Variants in TRNT1 observed in about 807,000 individuals in gnomAD.
The protein encoded by TRNT1 is CCA tRNA nucleotidyltransferase 1, mitochondrial.
A neutral mutation model predicts 45.6 loss-of-function variants in TRNT1; 44 were observed. The ratio of observed to expected loss-of-function variants is 0.97; its 90% confidence interval spans 0.76 to 1.24. TRNT1 has a LOEUF of 1.24. TRNT1 is among the 50% of genes most tolerant of loss of function. TRNT1 has a pLI of 0.00. For synonymous variants in TRNT1, 201 were observed against 171.4 expected, an observed-to-expected ratio of 1.17 and a Z score of -1.35; for missense variants, 633 against 504.4, an observed-to-expected ratio of 1.25 and a Z score of -2.44.
At chr3:3,143,705 CT>C (rs1705804742) in intron 4 of TRNT1, among the ~76,000 whole-genome samples, 1 of 149,170 alleles carries the variant, frequency 6.7e-6, no homozygotes, top group African/African-American at 2.4e-5. Context: ...TGCCGAAACC[CT>C]GTCTCTACTA....
At chr3:3,129,425 G>A (rs1386386480) in intron 2 of TRNT1, 3 of 453,014 alleles carry the variant, frequency 6.6e-6, no homozygotes, top group South Asian at 4.9e-5. Context: ...CAATGTGCAC[G>A]TTTTCATTGT....
intron 5 of TRNT1, among the ~76,000 whole-genome samples, chr3:3,145,986 TA>T (rs11297247): frequency 0.14 from 20,525 of 151,106 alleles, 1,457 homozygotes; most frequent in Admixed American, 0.17. Context: ...TTGAAAGTAC[TA>T]ATGTGTACAG....
At chr3:3,150,379 A>T (rs1706432984), downstream of TRNT1, 1 of 152,228 alleles carries the variant, frequency 6.6e-6, no homozygotes, top group Non-Finnish European at 1.5e-5. Context: ...AATAATTAAT[A>T]TACATTGCCT....
chr3:3,149,288 T>TTAAG (rs1245817831), downstream of TRNT1: 4 of 152,080 alleles, frequency 2.6e-5, no homozygotes, highest in Admixed American at 6.6e-5. Flanking sequence ...CTTAAAATAT[T>TTAAG]TAAGTACTGC....
chr3:3,141,583 A>G (rs1705660254), intron 4 of TRNT1, among the ~76,000 whole-genome samples: 1 of 152,200 alleles, frequency 6.6e-6, no homozygotes, highest in Non-Finnish European at 1.5e-5. Context: ...TAATGAAAGC[A>G]CTGGGAATTA....
intron 2 of TRNT1, among the ~76,000 whole-genome samples, chr3:3,133,045 G>C (rs1471236137): frequency 6.6e-6 from 1 of 152,164 alleles, no homozygotes. Context: ...CAGCCTTTCT[G>C]ATGGCTGCTA....
At position 3,147,999 on chromosome 3, in the gene TRNT1, C is replaced by T. The variant is rs1706176708; in HGVS notation, c.1150C>T (p.Pro384Ser). 1 of 1,613,988 alleles carries T rather than the reference C, an allele frequency of 6.2e-7. No individual in the cohort carries two copies. The highest frequency in any genetic ancestry group is 8.5e-7 in the Non-Finnish European group (1 of 1,179,876). ...AAAGGAAATGCAGCAGTGGTCCATT[C>T]CTCCATTTCCTGTAAGTGGCCATGA... Reference protein sequence around the residue: ...LLKEMQQWSIPPFPVSGHDIR... With the variant: ...LLKEMQQWSISPFPVSGHDIR... Residue 384 changes from proline to serine, a missense_variant, in exon 8 of 8, where the codon CCT becomes TCT. Transcript: ENST00000251607.
downstream of TRNT1, chr3:3,149,740 C>CATAA (rs1168823971): frequency 6.6e-6 from 1 of 152,154 alleles, no homozygotes; most frequent in African/African-American, 2.4e-5. Flanking sequence ...ACTCTATTTA[C>CATAA]ATAAATATGC....
intron 3 of TRNT1, among the ~76,000 whole-genome samples, chr3:3,139,708 G>T (rs889969444): frequency 2.0e-5 from 3 of 152,114 alleles, no homozygotes; most frequent in Non-Finnish European, 2.9e-5. Flanking sequence ...TCCCAAGATA[G>T]AGGTAACTCT....
chr3:3,153,383 C>T, downstream of TRNT1: 1 of 1,101,336 alleles, frequency 9.1e-7, no homozygotes, highest in Middle Eastern at 2.0e-4. Context: ...CATTATAATT[C>T]TGATAAGGCA....
intron 2 of TRNT1, chr3:3,131,783 CT>C (rs1310699226): frequency 1.2e-4 from 8 of 68,142 alleles, no homozygotes; most frequent in South Asian, 1.4e-3. Flanking sequence ...ACCTACTCAT[CT>C]GACAAAGGGC....
intron 3 of TRNT1, 108 bp downstream of exon 3, chr3:3,137,561 T>A: frequency 1.1e-6 from 1 of 930,432 alleles, no homozygotes; most frequent in Non-Finnish European, 1.6e-6. Flanking sequence ...AAAAAGTCAG[T>A]CTCTTCTATG....
chr3:3,146,227 G>A (rs988082457), intron 5 of TRNT1, among the ~76,000 whole-genome samples: 6 of 151,762 alleles, frequency 4.0e-5, no homozygotes, highest in Non-Finnish European at 5.9e-5. Context: ...TATTTTATTC[G>A]ATCCTGGGTT....
downstream of TRNT1, chr3:3,153,030 T>C (rs748337554): frequency 2.6e-5 from 8 of 305,230 alleles, no homozygotes; most frequent in Admixed American, 2.4e-4. Flanking sequence ...AACACTGTTA[T>C]ATCAGAGCAT....
rs2126002342 is a variant in TRNT1, at chr3:3,129,203, T to C, written c.148+15T>C. On this transcript the variant is annotated intron_variant, in intron 2 of 7. Coordinates refer to ENST00000251607, the MANE Select transcript of TRNT1 (RefSeq NM_182916.3). Reference sequence around the variant, plus strand: ...GAGTCTGACAGGTGAGAGATTAGGATACCTTTTCTTGATTGGAAACCTATA... The same window carrying C: ...GAGTCTGACAGGTGAGAGATTAGGACACCTTTTCTTGATTGGAAACCTATA... The C allele has an allele frequency of 2.5e-6, 4 of 1,612,632 alleles. No individual in the cohort carries two copies. The highest frequency in any genetic ancestry group is 1.3e-5 in the African/African-American group (1 of 75,024).
chr3:3,153,335 A>C (rs1706717447), downstream of TRNT1: 6 of 789,810 alleles, frequency 7.6e-6, no homozygotes. Context: ...ACTTTAAGGT[A>C]CTGGAGGAAA....
intron 4 of TRNT1, 105 bp from the exon 5 acceptor site, chr3:3,144,477 ACT>A: frequency 9.2e-7 from 1 of 1,085,990 alleles, no homozygotes; most frequent in East Asian, 2.5e-5. Context: ...ATAACTGTTC[ACT>A]CTGCTGAATT....
At chr3:3,128,598 CAA>C (rs111647168) in intron 1 of TRNT1, among the ~76,000 whole-genome samples, 10 of 96,106 alleles carry the variant, frequency 1.0e-4, no homozygotes, top group African/African-American at 2.5e-4. Context: ...GACTCCATCT[CAA>C]AAAAAAAAAA....
At chr3:3,129,998 G>A in intron 2 of TRNT1, 2 of 1,544,474 alleles carry the variant, frequency 1.3e-6, no homozygotes, top group Non-Finnish European at 1.7e-6. Flanking sequence ...AACCTGTCTG[G>A]AAGGAGCATA....
Sources: allele counts gnomAD v4.1 joint callset (sites outside exome capture counted in the v4.1 genomes callset), GRCh38; gene constraint gnomAD v4.1.1; transcripts MANE v1.5; gene names NCBI Gene and HGNC (gene_info 2026-07-23, HGNC 2026-07-21).